OSBPL6: variants seen among roughly 807,000 people sequenced by gnomAD.
The protein encoded by OSBPL6 is oxysterol binding protein like 6, also known as oxysterol-binding protein-related protein 6.
A neutral mutation model predicts 125.8 loss-of-function variants in OSBPL6; 49 were observed. That is an observed-to-expected ratio of 0.39 (90% CI 0.31 to 0.49). OSBPL6 has a LOEUF of 0.49. OSBPL6 is among the 20% of genes least tolerant of loss of function. The pLI, the probability that OSBPL6 is intolerant of heterozygous loss-of-function variation, is 0.88. For missense variants in OSBPL6, 986 were observed against 1,135.4 expected (o/e 0.87, Z 1.89); for synonymous variants, 394 against 391.8 (o/e 1.01, Z -0.07).
chr2:178,373,803 T>C, intron 14 of OSBPL6, 87 bp from the exon 15 acceptor site: 2 of 1,513,588 alleles, frequency 1.3e-6, no homozygotes, highest in Non-Finnish European at 1.8e-6. Context: ...CATACAGTAT[T>C]AAAGAGTAGA....
chr2:178,389,152 A>G lies in OSBPL6; in HGVS notation c.2300A>G (p.Lys767Arg). 1 of 1,613,258 alleles carries G rather than the reference A, an allele frequency of 6.2e-7. No individual in the cohort carries two copies. The highest frequency in any genetic ancestry group is 8.5e-7 in the Non-Finnish European group (1 of 1,179,758). Residue 767 changes from lysine (K) to arginine (R), a missense_variant and splice_region_variant, in exon 21 of 25, where the codon AAG (lysine) becomes AGG (arginine). This residue lies in a region of OSBPL6 where 843 missense variants were observed against 997.3 expected (regional missense o/e 0.85). Coordinates refer to ENST00000190611, the MANE Select transcript of OSBPL6 (RefSeq NM_032523.4). ...SVCICKLTFV[K>R]VNYWNSNMNE... ...TGCATTTGCAAACTCACATTTGTCA[A>G]GGTAAATACTATCATACAACAGTAA...
intron 1 of OSBPL6, among the ~76,000 whole-genome samples, chr2:178,232,033 A>G (rs959583689): frequency 9.9e-5 from 15 of 152,160 alleles, no homozygotes; most frequent in African/African-American, 3.4e-4. Context: ...TAGAAACTAG[A>G]CACAGGTGTT....
At chr2:178,262,420 A>C (rs1478628725) in intron 1 of OSBPL6, among the ~76,000 whole-genome samples, 1 of 152,220 alleles carries the variant, frequency 6.6e-6, no homozygotes, top group African/African-American at 2.4e-5. Flanking sequence ...ATGCAAATTT[A>C]CCAGTATTTT....
chr2:178,244,492 T>TA (rs2091419496), intron 1 of OSBPL6, among the ~76,000 whole-genome samples: 1 of 152,210 alleles, frequency 6.6e-6, no homozygotes, highest in Non-Finnish European at 1.5e-5. Flanking sequence ...GTCTGGCACA[T>TA]ATTAGGGATT....
At chr2:178,195,264 T>G (rs2153921913) in intron 1 of OSBPL6, among the ~76,000 whole-genome samples, 1 of 152,216 alleles carries the variant, frequency 6.6e-6, no homozygotes, top group East Asian at 1.9e-4. Flanking sequence ...CACCCGCTGC[T>G]GGCGCCCCTG....
chr2:178,399,972 CA>C lies in OSBPL6; in HGVS notation c.*4415del, dbSNP rs1157738085. ...AAAACAAAAATGTTCTTATTTTCTG[CA>C]ATTTTTTTTTCTAGCCATTCCTTCC... On this transcript the variant is annotated 3_prime_UTR_variant, in exon 25 of 25. Coordinates refer to ENST00000190611, the MANE Select transcript of OSBPL6 (RefSeq NM_032523.4). 2 of 151,996 alleles carry C rather than the reference CA, an allele frequency of 1.3e-5. No individual in the cohort carries two copies. The highest frequency in any genetic ancestry group is 6.6e-5 in the Admixed American group (1 of 15,264). The allele number at this position is 151,996 out of a possible 1,614,324, so 9.4% of individuals were successfully genotyped here. A position where few individuals can be genotyped will look rare whatever the true frequency, so the allele number is the denominator to read the frequency against.
intron 1 of OSBPL6, among the ~76,000 whole-genome samples, chr2:178,208,082 C>T (rs1213760402): frequency 9.2e-5 from 14 of 151,856 alleles, no homozygotes; most frequent in African/African-American, 2.9e-4. Flanking sequence ...GTCAGGAGTT[C>T]GAGACCAGCC....
rs548783065 is a variant in OSBPL6, at chr2:178,398,655, A to T, written c.*3096A>T. 2 of 152,232 alleles carry T rather than the reference A, an allele frequency of 1.3e-5. No homozygotes were observed. The highest frequency in any genetic ancestry group is 4.8e-5 in the African/African-American group (2 of 41,456). 9.4% of individuals were successfully genotyped at this position (152,232 alleles called of 1,614,324 possible). A position where few individuals can be genotyped will look rare whatever the true frequency, so the allele number is the denominator to read the frequency against. ...TATTTAAGATAACTTTTAATGGTACATATCAACTATATGTGGGGAAAAAAT... is the reference window on the plus strand; with the variant it reads ...TATTTAAGATAACTTTTAATGGTACTTATCAACTATATGTGGGGAAAAAAT... On this transcript the variant is annotated 3_prime_UTR_variant, in exon 25 of 25. Transcript: ENST00000190611.
rs763429458 is a variant in OSBPL6, at chr2:178,391,253, C to G, written c.2446+36C>G. ...CCTGAGTGTTCTGCCAACAGGAGGG[C>G]ACTATGGACAACAGAAGGGAAGAGA... is the stretch of plus-strand genomic sequence containing the variant. On this transcript the variant is annotated intron_variant, in intron 22 of 24. Transcript: ENST00000190611. 1.9e-6 allele frequency: 3 copies of G among 1,546,748 alleles called. No individual in the cohort carries two copies. In the South Asian group the frequency reaches 3.8e-5, roughly 20 times the overall value.
intron 1 of OSBPL6, among the ~76,000 whole-genome samples, chr2:178,244,941 T>C (rs1420036460): frequency 6.6e-6 from 1 of 152,242 alleles, no homozygotes; most frequent in African/African-American, 2.4e-5. Flanking sequence ...ATCTCCGTAA[T>C]AAAAAGATTT....
At chr2:178,273,220 A>C (rs772369881) in intron 1 of OSBPL6, among the ~76,000 whole-genome samples, 4 of 152,154 alleles carry the variant, frequency 2.6e-5, no homozygotes, top group Non-Finnish European at 4.4e-5. Flanking sequence ...TTGAGGTAAG[A>C]TCATGAAGGA....
At chr2:178,261,237 T>A (rs575334562) in intron 1 of OSBPL6, among the ~76,000 whole-genome samples, 2 of 152,272 alleles carry the variant, frequency 1.3e-5, no homozygotes, top group African/African-American at 4.8e-5. Flanking sequence ...TCTTTGGTAT[T>A]AGAAATCAAA....
At chr2:178,337,045 T>C in intron 9 of OSBPL6, among the ~76,000 whole-genome samples, 1 of 152,210 alleles carries the variant, frequency 6.6e-6, no homozygotes, top group East Asian at 1.9e-4. Context: ...TCTGAGCCTC[T>C]TCATCTCTTC....
At chr2:178,388,430 C>G (rs186359582) in intron 20 of OSBPL6, among the ~76,000 whole-genome samples, 3 of 152,150 alleles carry the variant, frequency 2.0e-5, no homozygotes, top group African/African-American at 4.8e-5. Flanking sequence ...TACGTCCCTG[C>G]AGGCCTTCCC....
chr2:178,268,550 C>T (rs2092302841), intron 1 of OSBPL6, among the ~76,000 whole-genome samples: 1 of 152,138 alleles, frequency 6.6e-6, no homozygotes, highest in Non-Finnish European at 1.5e-5. Flanking sequence ...AGTCCATACT[C>T]CCCTTGGAAT....
chr2:178,226,613 C>T (rs563433569), intron 1 of OSBPL6, among the ~76,000 whole-genome samples: 2 of 151,974 alleles, frequency 1.3e-5, no homozygotes, highest in Admixed American at 1.3e-4. Context: ...TGGTGTATGT[C>T]GGATTTGTAG....
intron 1 of OSBPL6, among the ~76,000 whole-genome samples, chr2:178,278,381 T>C (rs552452887): frequency 1.3e-5 from 2 of 152,370 alleles, no homozygotes; most frequent in Non-Finnish European, 2.9e-5. Flanking sequence ...GTTACATTTC[T>C]AGATCCTCTT....
intron 1 of OSBPL6, among the ~76,000 whole-genome samples, chr2:178,278,069 T>C (rs1269858903): frequency 6.6e-6 from 1 of 152,188 alleles, no homozygotes; most frequent in African/African-American, 2.4e-5. Context: ...GACTACACTT[T>C]CCCGTCTCTT....
chr2:178,320,156 C>T, intron 3 of OSBPL6: 2 of 1,173,162 alleles, frequency 1.7e-6, no homozygotes, highest in Non-Finnish European at 2.3e-6. Flanking sequence ...TGCACCAAAC[C>T]ATTCAGCTAT....
Sources: gnomAD v4.1 joint callset for allele counts (sites outside exome capture counted in the v4.1 genomes callset) on GRCh38, gnomAD v4.1.1 for gene constraint, gnomAD v4.1.1 regional missense constraint, MANE v1.5 for transcripts, NCBI Gene and HGNC (gene_info 2026-07-23, HGNC 2026-07-21) for gene names.